ANXA11: variants seen among roughly 807,000 people sequenced by gnomAD.
ANXA11 encodes the protein annexin A11, also known as 56 kDa autoantigen.
Under a neutral mutation model 64.7 loss-of-function variants are expected in ANXA11, and 57 were observed. The ratio of observed to expected loss-of-function variants is 0.88; its 90% CI spans 0.71 to 1.10. The LOEUF is 1.10. Ranked by LOEUF, ANXA11 falls within the 50% of genes least tolerant of loss-of-function variation. ANXA11 has a pLI of 0.00. For missense variants in ANXA11, 675 were observed against 670.7 expected (o/e 1.01, Z -0.07); for synonymous variants, 260 against 265.2 (o/e 0.98, Z 0.19).
At chr10:80,163,266 C>T in intron 11 of ANXA11, 83 bp downstream of exon 11, 1 of 1,515,314 alleles carries the variant, frequency 6.6e-7, no homozygotes, top group Non-Finnish European at 9.1e-7. Context: ...GTTCTTTCCA[C>T]CCTAGGGTAC....
At chr10:80,166,019 TGC>T (rs925276406) in intron 8 of ANXA11, 63 bp downstream of exon 8, 2 of 1,022,544 alleles carry the variant, frequency 2.0e-6, no homozygotes, top group Non-Finnish European at 1.5e-6. Context: ...TCCACACGCA[TGC>T]GCGCGTGCGC....
At chr10:80,160,045 G>A (rs939702899) in intron 12 of ANXA11, among the ~76,000 whole-genome samples, 1 of 152,128 alleles carries the variant, frequency 6.6e-6, no homozygotes, top group Non-Finnish European at 1.5e-5. Context: ...TGGAGACCTT[G>A]GTCCTGACTC....
chr10:80,158,692 G>T (rs1845378072), intron 13 of ANXA11, among the ~76,000 whole-genome samples: 1 of 152,202 alleles, frequency 6.6e-6, no homozygotes, highest in African/African-American at 2.4e-5. Context: ...TCCTCAGCAT[G>T]GGCCTGTTTC....
At chr10:80,199,037 A>G (rs1266969715) in intron 1 of ANXA11, among the ~76,000 whole-genome samples, 1 of 151,026 alleles carries the variant, frequency 6.6e-6, no homozygotes, top group Non-Finnish European at 1.5e-5. Flanking sequence ...ACCCTCAACC[A>G]CGTTCTGATT....
chr10:80,168,459 T>C (rs974695818), intron 5 of ANXA11, among the ~76,000 whole-genome samples: 1 of 152,154 alleles, frequency 6.6e-6, no homozygotes, highest in Non-Finnish European at 1.5e-5. Flanking sequence ...ACAGCTCCCT[T>C]GGGCCTTAAG....
At chr10:80,200,626 G>A (rs1243320235) in intron 1 of ANXA11, among the ~76,000 whole-genome samples, 1 of 152,164 alleles carries the variant, frequency 6.6e-6, no homozygotes, top group Non-Finnish European at 1.5e-5. Flanking sequence ...GGGATATAAG[G>A]GTAACTGAAG....
At chr10:80,156,840 A>C (rs1007822427) in intron 15 of ANXA11, 1 of 254,362 alleles carries the variant, frequency 3.9e-6, no homozygotes, top group Admixed American at 6.5e-5. Flanking sequence ...CTTCATTCAT[A>C]CAGCCAAGGA....
rs760284084 is a variant in ANXA11, at chr10:80,161,937, GCTAC to G, written c.1174_1177del (p.Val392GlnfsTer9). ...TGAGGGACCCCAGCCTGCCTTACCT[GCTAC>G]CAGGTGGGCCCGGCTCCGGGAGCAC... On this transcript the variant is annotated frameshift_variant, in exon 12 of 16. Transcript: ENST00000422982. LOFTEE classifies it high-confidence loss of function. 33 of 1,611,402 alleles carry G rather than the reference GCTAC, an allele frequency of 2.0e-5. No homozygotes were observed. The highest frequency in any genetic ancestry group is 2.7e-5 in the Non-Finnish European group (32 of 1,179,182).
At chr10:80,165,517 C>T (rs989151127) in intron 8 of ANXA11, among the ~76,000 whole-genome samples, 7 of 152,220 alleles carry the variant, frequency 4.6e-5, no homozygotes, top group Admixed American at 1.3e-4. Context: ...CATAGTTATG[C>T]GGAGAGTGGT....
intron 1 of ANXA11, among the ~76,000 whole-genome samples, chr10:80,187,302 A>G (rs1020001757): frequency 2.0e-5 from 3 of 152,244 alleles, no homozygotes; most frequent in African/African-American, 7.2e-5. Flanking sequence ...AAGAGATCCC[A>G]GAGGGCCCAA....
At chr10:80,158,933 C>T (rs1296726249) in intron 13 of ANXA11, among the ~76,000 whole-genome samples, 167 bp downstream of exon 13, 1 of 152,160 alleles carries the variant, frequency 6.6e-6, no homozygotes, top group Non-Finnish European at 1.5e-5. Flanking sequence ...CACAGGGAAC[C>T]GGGAAGCAGC....
chr10:80,169,213 T>A lies in ANXA11; in HGVS notation c.317A>T (p.Tyr106Phe), dbSNP rs1329510409. 1 of 1,610,770 alleles carries A rather than the reference T, an allele frequency of 6.2e-7. No individual in the cohort carries two copies. The highest frequency in any genetic ancestry group is 2.2e-5 in the East Asian group (1 of 44,824). Residue 106 changes from tyrosine to phenylalanine, a missense_variant, in exon 5 of 16, where the codon TAT becomes TTT. Coordinates refer to ENST00000422982, the MANE Select transcript of ANXA11 (RefSeq NM_145868.2). ...AQQPVPPYGM[Y>F]PPPGGNPPSR... Reference sequence around the variant, plus strand: ...GGGTGGGTTTCCTCCTGGGGGTGGATACATCCCATAGGGAGGAACAGGCTG... The same window carrying A: ...GGGTGGGTTTCCTCCTGGGGGTGGAAACATCCCATAGGGAGGAACAGGCTG...
chr10:80,175,523 G>A (rs2819950), intron 2 of ANXA11, among the ~76,000 whole-genome samples: 73,714 of 151,618 alleles, frequency 0.49, 18,815 homozygotes, highest in African/African-American at 0.64. Context: ...GCCAAATAAT[G>A]CAGTGAAAGA....
Position 80,169,885 on chromosome 10 carries a change from G to A in ANXA11, c.172-527C>T, listed in dbSNP as rs574942519. ...CTCGCCTTTCCACTTTAGCCACACT[G>A]GCCTCTCCTCCCTGTCCCTGAGCAC... is the stretch of plus-strand genomic sequence containing the variant. On this transcript the variant is annotated intron_variant, in intron 4 of 15. Coordinates refer to ENST00000422982, the MANE Select transcript of ANXA11 (RefSeq NM_145868.2). Among the ~76,000 whole-genome samples the A allele has an allele frequency of 2.2e-4, 33 of 152,010 alleles. No homozygotes were observed. In the South Asian group the frequency reaches 6.9e-3, roughly 32 times the overall value.
intron 5 of ANXA11, among the ~76,000 whole-genome samples, chr10:80,167,606 G>T (rs1232088045): frequency 1.3e-5 from 2 of 152,194 alleles, no homozygotes; most frequent in African/African-American, 2.4e-5. Context: ...CAGGGCTGGG[G>T]CTCAGGCTCC....
chr10:80,157,159 C>A, intron 15 of ANXA11: 2 of 972,124 alleles, frequency 2.1e-6, no homozygotes, highest in Non-Finnish European at 2.4e-6. Flanking sequence ...TTTAAGGGAG[C>A]CATTCAAGGT....
In ANXA11 at chr10:80,157,703, G is replaced by A. The variant is rs1269990430; in HGVS notation, c.1396C>T (p.Leu466Phe). ...TTATACTCTGATCTGATGTCCAGGA[G>A]GTCGGTCTCGCTGCGAGACACCATG... is the stretch of plus-strand genomic sequence containing the variant. ...RIMVSRSETDLLDIRSEYKRM... is the reference protein window; with the variant it reads ...RIMVSRSETDFLDIRSEYKRM... Residue 466 changes from leucine to phenylalanine, a missense_variant, in exon 15 of 16, where the codon CTC becomes TTC. Physicochemically the swap from Leu to Phe is conservative, Grantham distance 22. Coordinates refer to ENST00000422982, the MANE Select transcript of ANXA11 (RefSeq NM_145868.2). 3 of 1,614,000 alleles carry A rather than the reference G, an allele frequency of 1.9e-6. No individual in the cohort carries two copies. The Admixed American group carries it at 5.0e-5, about 27-fold the overall frequency.
chr10:80,202,901 C>T (rs1350271247), intron 1 of ANXA11, among the ~76,000 whole-genome samples: 2 of 151,948 alleles, frequency 1.3e-5, no homozygotes, highest in Non-Finnish European at 2.9e-5. Context: ...CAAAAATTAG[C>T]CGGGCATGGT....
chr10:80,190,517 G>A (rs138251193), intron 1 of ANXA11, among the ~76,000 whole-genome samples: 1,547 of 122,362 alleles, frequency 0.013, 34 homozygotes, highest in African/African-American at 0.047. Flanking sequence ...ACGGAGTCTC[G>A]CTCTTTTGCC....
Sources: allele counts gnomAD v4.1 joint callset (sites outside exome capture counted in the v4.1 genomes callset), GRCh38; gene constraint gnomAD v4.1.1; transcripts MANE v1.5; gene names NCBI Gene and HGNC (gene_info 2026-07-23, HGNC 2026-07-21).